GPR39: variants seen among roughly 807,000 people sequenced by gnomAD.
The protein encoded by GPR39 is G protein-coupled receptor 39.
A neutral mutation model predicts 18.4 loss-of-function variants in GPR39; 23 were observed. The observed-to-expected ratio is 1.25, with a 90% CI of 0.90 to 1.77. The LOEUF is 1.77. Among genes scored for constraint, GPR39 ranks in the 40% most tolerant of loss-of-function variants. The pLI is 0.00. For synonymous variants in GPR39, 280 were observed against 257.9 expected, an observed-to-expected ratio of 1.09 and a Z score of -0.82; for missense variants, 647 against 602.4, an observed-to-expected ratio of 1.07 and a Z score of -0.78.
intron 1 of GPR39, among the ~76,000 whole-genome samples, chr2:132,616,720 C>T (rs1681341134): frequency 6.6e-6 from 1 of 152,168 alleles, no homozygotes; most frequent in Admixed American, 6.6e-5. Flanking sequence ...ACTGGGCTTG[C>T]CTCAGTGCTT....
chr2:132,576,509 C>T (rs1047736600), intron 1 of GPR39, among the ~76,000 whole-genome samples: 16 of 152,002 alleles, frequency 1.1e-4, no homozygotes, highest in Admixed American at 1.0e-3. Context: ...AAAAATTAGC[C>T]AGCCATGGTG....
At chr2:132,418,832 T>C (rs1326406030) in intron 1 of GPR39, among the ~76,000 whole-genome samples, 1 of 152,164 alleles carries the variant, frequency 6.6e-6, no homozygotes, top group Non-Finnish European at 1.5e-5. Flanking sequence ...AAAAAGGATG[T>C]ATTGTGCGTG....
intron 1 of GPR39, among the ~76,000 whole-genome samples, chr2:132,583,183 G>A (rs923782894): frequency 1.3e-5 from 2 of 152,012 alleles, no homozygotes. Context: ...AAAGTGCTGG[G>A]ATTACAGGCT....
chr2:132,489,604 G>A (rs1209693476), intron 1 of GPR39, among the ~76,000 whole-genome samples: 2 of 151,970 alleles, frequency 1.3e-5, no homozygotes, highest in East Asian at 1.9e-4. Flanking sequence ...AAAACCTTGG[G>A]TATGCATGGC....
intron 1 of GPR39, among the ~76,000 whole-genome samples, chr2:132,628,391 C>T (rs1311026349): frequency 1.3e-5 from 2 of 152,170 alleles, no homozygotes; most frequent in African/African-American, 4.8e-5. Context: ...ACCTGAGAGA[C>T]CAGCAGACTC....
intron 1 of GPR39, among the ~76,000 whole-genome samples, chr2:132,545,698 T>C (rs1348073437): frequency 1.4e-5 from 2 of 145,946 alleles, no homozygotes; most frequent in Non-Finnish European, 2.9e-5. Context: ...AAGCACCTGA[T>C]GATGACAATT....
chr2:132,582,915 C>CTTT (rs5834320), intron 1 of GPR39, among the ~76,000 whole-genome samples: 29 of 101,544 alleles, frequency 2.9e-4, no homozygotes, highest in African/African-American at 5.4e-4. Flanking sequence ...TTCTTTCTTT[C>CTTT]TTTTTTTTTT....
At chr2:132,639,603 G>C (rs1681823551) in intron 1 of GPR39, among the ~76,000 whole-genome samples, 1 of 152,200 alleles carries the variant, frequency 6.6e-6, no homozygotes, top group African/African-American at 2.4e-5. Flanking sequence ...ACTTATGTAA[G>C]ATGGATGGAC....
At chr2:132,534,733 G>A (rs919855799) in intron 1 of GPR39, among the ~76,000 whole-genome samples, 36 of 151,482 alleles carry the variant, frequency 2.4e-4, no homozygotes, top group East Asian at 7.8e-4. Context: ...GCAAACTATC[G>A]CAAGGACAAA....
chr2:132,513,906 G>A (rs1248078142), intron 1 of GPR39, among the ~76,000 whole-genome samples: 3 of 152,142 alleles, frequency 2.0e-5, no homozygotes. Context: ...GTAGGGGTGG[G>A]TTTTTGCCAT....
intron 1 of GPR39, among the ~76,000 whole-genome samples, chr2:132,594,428 A>G (rs188774321): frequency 6.6e-6 from 1 of 152,164 alleles, no homozygotes; most frequent in Non-Finnish European, 1.5e-5. Flanking sequence ...CAGGGATGTT[A>G]AAGGATCCTA....
intron 1 of GPR39, among the ~76,000 whole-genome samples, chr2:132,472,199 C>A (rs937418151): frequency 2.6e-5 from 4 of 152,202 alleles, no homozygotes; most frequent in Non-Finnish European, 4.4e-5. Context: ...TCATTAACAT[C>A]ATCTTGTCTA....
chr2:132,609,189 T>G (rs1284775562), intron 1 of GPR39, among the ~76,000 whole-genome samples: 1 of 152,222 alleles, frequency 6.6e-6, no homozygotes, highest in African/African-American at 2.4e-5. Flanking sequence ...TGTTGTACTC[T>G]GCCAGATGAT....
chr2:132,563,882 G>A (rs1680299926), intron 1 of GPR39, among the ~76,000 whole-genome samples: 2 of 152,032 alleles, frequency 1.3e-5, no homozygotes, highest in Admixed American at 1.3e-4. Flanking sequence ...GGAATTGCCT[G>A]GAGGTGCCTG....
intron 1 of GPR39, among the ~76,000 whole-genome samples, chr2:132,558,008 T>G (rs1162282178): frequency 6.6e-6 from 1 of 151,894 alleles, no homozygotes; most frequent in Non-Finnish European, 1.5e-5. Context: ...GGGGTGGTCC[T>G]GGGGCAGCTT....
rs765352030 is a variant in GPR39 at position 132,645,616 on chromosome 2, G to A, written c.*10G>A. ...GGAGCATGAAGTTTGAATGTCAAGC[G>A]AGGGAGCCTTGAGTGGGAACTGGCC... On this transcript the variant is annotated 3_prime_UTR_variant, in exon 2 of 2. Transcript: ENST00000329321. 3.1e-6 allele frequency: 5 copies of A among 1,604,306 alleles called. No individual in the cohort carries two copies. In the Admixed American group the frequency reaches 5.1e-5, roughly 16 times the overall value.
intron 1 of GPR39, among the ~76,000 whole-genome samples, chr2:132,567,518 A>C (rs1283583907): frequency 1.3e-5 from 2 of 151,998 alleles, no homozygotes; most frequent in Admixed American, 6.6e-5. Flanking sequence ...CCTCCTCAGC[A>C]CTCTGCAGGG....
At chr2:132,422,960 C>A (rs1050045712) in intron 1 of GPR39, among the ~76,000 whole-genome samples, 4 of 151,930 alleles carry the variant, frequency 2.6e-5, no homozygotes, top group African/African-American at 9.7e-5. Flanking sequence ...AAGCATTTGG[C>A]TTATTAGTGC....
intron 1 of GPR39, among the ~76,000 whole-genome samples, chr2:132,502,683 T>C (rs1252918996): frequency 2.0e-5 from 3 of 152,224 alleles, no homozygotes; most frequent in African/African-American, 7.2e-5. Context: ...TTTAGATTTC[T>C]CTTCTTCTTT....
Sources: allele counts gnomAD v4.1 joint callset (sites outside exome capture counted in the v4.1 genomes callset), GRCh38; gene constraint gnomAD v4.1.1; transcripts MANE v1.5; gene names NCBI Gene and HGNC (gene_info 2026-07-23, HGNC 2026-07-21).